The following ADAMDEC1 variants were observed in gnomAD, a reference collection of about 807,000 sequenced individuals.
ADAMDEC1 encodes ADAM like decysin 1.
ADAMDEC1 carries 62 observed loss-of-function variants against 60.4 expected under a neutral mutation model. That is an observed-to-expected ratio of 1.03 (90% CI 0.84 to 1.27). The LOEUF is 1.27. Ranked by LOEUF, ADAMDEC1 falls within the 50% of genes most tolerant of loss-of-function variation. ADAMDEC1 has a pLI of 0.00. For synonymous variants in ADAMDEC1, 210 were observed against 195.1 expected, an observed-to-expected ratio of 1.08 and a Z score of -0.64; for missense variants, 595 against 565.0, an observed-to-expected ratio of 1.05 and a Z score of -0.54.
At chr8:24,385,180 A>C (rs973856242) in intron 1 of ADAMDEC1, among the ~76,000 whole-genome samples, 1 of 152,182 alleles carries the variant, frequency 6.6e-6, no homozygotes, top group South Asian at 2.1e-4. Context: ...TTTACTAGTG[A>C]TCACATAATA....
chr8:24,384,680 T>A, intron 1 of ADAMDEC1, 88 bp downstream of exon 1: 1 of 1,247,662 alleles, frequency 8.0e-7, no homozygotes, highest in Non-Finnish European at 1.1e-6. Flanking sequence ...TGGCATATGT[T>A]TTTATGGTCG....
At chr8:24,398,702 C>A in intron 8 of ADAMDEC1, 151 bp downstream of exon 8, 1 of 920,832 alleles carries the variant, frequency 1.1e-6, no homozygotes, top group Non-Finnish European at 1.6e-6. Context: ...GCATCAACAT[C>A]AAGGTGAAAT....
At chr8:24,390,674 C>T (rs865966059) in intron 1 of ADAMDEC1, among the ~76,000 whole-genome samples, 2 of 151,928 alleles carry the variant, frequency 1.3e-5, no homozygotes, top group South Asian at 2.1e-4. Context: ...GAGTCAAGAT[C>T]GGGCCACTGT....
chr8:24,398,736 C>T (rs1817679975), intron 8 of ADAMDEC1, 138 bp from the exon 9 acceptor site: 1 of 1,058,978 alleles, frequency 9.4e-7, no homozygotes, highest in South Asian at 1.6e-5. Context: ...ACAAAGACAA[C>T]TTTTAAAATT....
chr8:24,389,203 T>G (rs1817374883), intron 1 of ADAMDEC1, among the ~76,000 whole-genome samples: 1 of 152,180 alleles, frequency 6.6e-6, no homozygotes, highest in South Asian at 2.1e-4. Context: ...TACAGATGCC[T>G]AGTAGACATC....
intron 11 of ADAMDEC1, among the ~76,000 whole-genome samples, chr8:24,400,653 T>A (rs567395442): frequency 3.3e-4 from 49 of 150,102 alleles, no homozygotes; most frequent in Admixed American, 3.3e-3. Context: ...ATATATATAT[T>A]ATACTTTAAG....
chr8:24,390,718 TCAAAACAAAACAAAACAAAA>T (rs10544922), intron 1 of ADAMDEC1, among the ~76,000 whole-genome samples: 16 of 150,544 alleles, frequency 1.1e-4, no homozygotes, highest in African/African-American at 2.2e-4. Flanking sequence ...AGACTCTGTC[TCAAAACAAAACAAAACAAAA>T]CAAAACAAAA....
intron 10 of ADAMDEC1, 106 bp from the exon 11 acceptor site, chr8:24,400,064 G>C: frequency 1.1e-6 from 1 of 895,912 alleles, no homozygotes; most frequent in Non-Finnish European, 1.6e-6. Flanking sequence ...ACAGGGAAAG[G>C]AGCTAACAAT....
At chr8:24,393,584 T>C (rs1817506095) in intron 3 of ADAMDEC1, among the ~76,000 whole-genome samples, 1 of 152,218 alleles carries the variant, frequency 6.6e-6, no homozygotes, top group Admixed American at 6.5e-5. Context: ...CTTCTTTTTC[T>C]ACTCAGATAA....
At chr8:24,392,217 A>G (rs1009535534) in intron 1 of ADAMDEC1, 45 bp from the exon 2 acceptor site, 2 of 1,486,412 alleles carry the variant, frequency 1.3e-6, no homozygotes, top group African/African-American at 2.8e-5. Context: ...GACTAAAACC[A>G]AAACCTTTAA....
rs569448126 is a variant in ADAMDEC1, at chr8:24,384,969, T to A, written c.88+377T>A. Reference sequence around the variant, plus strand: ...AAAATTTTATTAACATCTTCATGAATCATGGCTGTTTAAAAAATCTGCACT... The same window carrying A: ...AAAATTTTATTAACATCTTCATGAAACATGGCTGTTTAAAAAATCTGCACT... On this transcript the variant is annotated intron_variant, in intron 1 of 13. Coordinates refer to ENST00000256412, the MANE Select transcript of ADAMDEC1 (RefSeq NM_014479.3). Among the ~76,000 whole-genome samples the A allele has an allele frequency of 3.3e-5, 5 of 152,316 alleles. No homozygotes were observed. The East Asian group carries it at 9.7e-4, about 29-fold the overall frequency.
rs1406118868 is a variant in ADAMDEC1 at position 24,397,159 on chromosome 8, AC to A, written c.441-110del. The A allele has an allele frequency of 4.2e-6, 4 of 962,964 alleles. No individual in the cohort carries two copies. In the African/African-American group the frequency reaches 6.6e-5, roughly 16 times the overall value. The allele number at this position is 962,964 out of a possible 1,614,324, so 59.7% of individuals were successfully genotyped here. On this transcript the variant is annotated intron_variant, in intron 5 of 13. Transcript: ENST00000256412. ...AAGTTAGCTGAAAGGTCTATGAATG[AC>A]AAGGCTATGTGTGAAATTGGGATGG...
At position 24,405,662 on chromosome 8, in the gene ADAMDEC1, A is replaced by G. The variant is rs1037563074; in HGVS notation, c.*364A>G. 7 of 191,254 alleles carry G rather than the reference A, an allele frequency of 3.7e-5. No homozygotes were observed. Among genetic ancestry groups the G allele is most frequent in the South Asian group, 1.7e-4 (1 of 5,922 alleles). The allele number at this position is 191,254 out of a possible 1,614,324, so 11.8% of individuals were successfully genotyped here. On this transcript the variant is annotated 3_prime_UTR_variant, in exon 14 of 14. Transcript: ENST00000256412. ...CCAGAATTGTTAAATTACAAGTACT[A>G]TGCTTTAATGCTTCTTTCATCTTAC...
chr8:24,391,924 G>T (rs1563353173), intron 1 of ADAMDEC1, among the ~76,000 whole-genome samples: 1 of 152,092 alleles, frequency 6.6e-6, no homozygotes, highest in South Asian at 2.1e-4. Context: ...GATTACTACA[G>T]GTAGAATTCT....
chr8:24,391,724 A>G (rs1046776561), intron 1 of ADAMDEC1, among the ~76,000 whole-genome samples: 5 of 152,198 alleles, frequency 3.3e-5, no homozygotes, highest in African/African-American at 1.2e-4. Flanking sequence ...CACACTGAGG[A>G]ATAAAATTAC....
chr8:24,403,388 C>T, intron 12 of ADAMDEC1, among the ~76,000 whole-genome samples: 1 of 151,048 alleles, frequency 6.6e-6, no homozygotes, highest in East Asian at 1.9e-4. Context: ...TAAAAATAAG[C>T]TTTCTGTCTA....
At chr8:24,397,018 A>T (rs1054162334) in intron 5 of ADAMDEC1, among the ~76,000 whole-genome samples, 6 of 152,192 alleles carry the variant, frequency 3.9e-5, no homozygotes, top group African/African-American at 1.4e-4. Context: ...CCACGGTGCA[A>T]ATTCCAAATT....
chr8:24,399,359 AT>A (rs1563356720), intron 9 of ADAMDEC1, 33 bp from the exon 10 acceptor site: 4 of 1,583,768 alleles, frequency 2.5e-6, no homozygotes, highest in Non-Finnish European at 3.5e-6. Flanking sequence ...AAAGACTCAG[AT>A]TGTGACAGTA....
intron 1 of ADAMDEC1, among the ~76,000 whole-genome samples, chr8:24,390,823 C>T (rs770509132): frequency 1.3e-5 from 2 of 151,816 alleles, no homozygotes; most frequent in African/African-American, 2.4e-5. Context: ...ATATATCTTG[C>T]GAAGGTTTTT....
Sources: gnomAD v4.1 joint callset for allele counts (sites outside exome capture counted in the v4.1 genomes callset) on GRCh38, gnomAD v4.1.1 for gene constraint, MANE v1.5 for transcripts, NCBI Gene and HGNC (gene_info 2026-07-23, HGNC 2026-07-21) for gene names.